Variants in SNX25 observed in about 807,000 individuals in gnomAD.
SNX25 encodes the protein sorting nexin-25.
In SNX25, 62 loss-of-function variants were observed where a neutral mutation model predicts 113.7. The ratio of observed to expected loss-of-function variants is 0.55; its 90% CI spans 0.44 to 0.67. The LOEUF (loss-of-function observed/expected upper bound fraction) is 0.67, where lower values mean the gene tolerates loss of function less well. Among genes scored for constraint, SNX25 ranks in the 30% least tolerant of loss-of-function variants. The pLI is 0.00. For missense variants in SNX25, 1,014 were observed against 1,161.0 expected (o/e 0.87, Z 1.84); for synonymous variants, 421 against 436.2 (o/e 0.97, Z 0.43).
rs151036415 is a variant in SNX25 at position 185,369,791 on chromosome 4, T to C, written c.*1046T>C. ...CGCTTCTGTCTCCTAGAGACCATGA[T>C]TGAAATTTTCTGAAATAAGGCCTGA... is the stretch of plus-strand genomic sequence containing the variant. On this transcript the variant is annotated 3_prime_UTR_variant and NMD_transcript_variant, in exon 12 of 12. Coordinates refer to the SNX25 transcript ENST00000504959. 2.2e-3 allele frequency: 992 copies of C among 441,376 alleles called. 10 individuals are homozygous for C. Among genetic ancestry groups the C allele is most frequent in the African/African-American group, 0.018 (890 of 49,522 alleles). 27.3% of individuals were successfully genotyped at this position (441,376 alleles called of 1,614,324 possible). A position where few individuals can be genotyped will look rare whatever the true frequency, so the allele number is the denominator to read the frequency against.
intron 9 of SNX25, among the ~76,000 whole-genome samples, chr4:185,331,612 C>T (rs1398550641): frequency 3.3e-5 from 5 of 152,094 alleles, no homozygotes; most frequent in African/African-American, 1.2e-4. Flanking sequence ...GAAACCCTGT[C>T]TCTACTAAAA....
downstream of SNX25, among the ~76,000 whole-genome samples, chr4:185,371,848 C>T (rs139605265): frequency 7.9e-4 from 121 of 152,258 alleles, no homozygotes; most frequent in African/African-American, 2.6e-3. Flanking sequence ...CCTTCATCCT[C>T]TCTTGTAGAT....
intron 1 of SNX25, among the ~76,000 whole-genome samples, chr4:185,239,976 G>T (rs1246999502): frequency 1.3e-5 from 2 of 150,218 alleles, no homozygotes; most frequent in Non-Finnish European, 3.0e-5. Context: ...CTCTTAACGA[G>T]CATGCTTCCT....
chr4:185,347,302 T>C (rs574077005), intron 13 of SNX25, among the ~76,000 whole-genome samples: 37 of 152,210 alleles, frequency 2.4e-4, no homozygotes, highest in Non-Finnish European at 5.0e-4. Flanking sequence ...TTTTTCTTCA[T>C]GGTCACAGCA....
chr4:185,367,080 T>C, downstream of SNX25: 2 of 998,192 alleles, frequency 2.0e-6, no homozygotes, highest in East Asian at 4.9e-5. Context: ...CCCAGGATAG[T>C]GTAATTTGTG....
chr4:185,331,131 T>C (rs2095191814), intron 9 of SNX25, among the ~76,000 whole-genome samples: 2 of 152,222 alleles, frequency 1.3e-5, no homozygotes, highest in African/African-American at 4.8e-5. Flanking sequence ...TCCTACTCTT[T>C]GTTCCAATAA....
intron 1 of SNX25, among the ~76,000 whole-genome samples, chr4:185,231,952 A>G (rs1741942534): frequency 6.6e-6 from 1 of 152,140 alleles, no homozygotes; most frequent in Non-Finnish European, 1.5e-5. Context: ...TTAATATGAC[A>G]CATTTATGCT....
In SNX25 at chr4:185,302,091, G is replaced by GTTTTTT. The variant is rs1233693832; in HGVS notation, c.1163-8541_1163-8536dup. Among the ~76,000 whole-genome samples, 5 of 108,370 alleles carry GTTTTTT rather than the reference G, an allele frequency of 4.6e-5. 1 individual carries two copies. Among genetic ancestry groups the GTTTTTT allele is most frequent in the South Asian group, 3.6e-4 (1 of 2,776 alleles). The allele number at this position is 108,370 out of a possible 152,430, so 71.1% of individuals were successfully genotyped here. A position where few individuals can be genotyped will look rare whatever the true frequency, so the allele number is the denominator to read the frequency against. On this transcript the variant is annotated intron_variant, in intron 6 of 18. Coordinates refer to ENST00000652585, the MANE Select transcript of SNX25 (RefSeq NM_001378034.2). ...ATTTTTGTATATTTTGTGTGTGTGTGTTTTTTTTGTTTTTTTTTTTTTTTA... is the reference window on the plus strand; with the variant it reads ...ATTTTTGTATATTTTGTGTGTGTGTGTTTTTTTTTTTTTTGTTTTTTTTTTTTTTTA...
At chr4:185,362,483 C>T in intron 17 of SNX25, 128 bp from the exon 18 acceptor site, 1 of 1,171,050 alleles carries the variant, frequency 8.5e-7, no homozygotes, top group Non-Finnish European at 1.2e-6. Context: ...GAGAACTGAC[C>T]ATTCATGTTT....
At chr4:185,344,575 CT>C (rs1295944323) in intron 12 of SNX25, among the ~76,000 whole-genome samples, 1 of 152,150 alleles carries the variant, frequency 6.6e-6, no homozygotes, top group Non-Finnish European at 1.5e-5. Context: ...GATGCCCAGG[CT>C]GTATTTCAGA....
At chr4:185,304,148 A>G (rs1239959796) in intron 6 of SNX25, among the ~76,000 whole-genome samples, 1 of 152,156 alleles carries the variant, frequency 6.6e-6, no homozygotes, top group Non-Finnish European at 1.5e-5. Context: ...ACTTCTGTTT[A>G]CTTATTTATA....
chr4:185,206,180 C>T (rs1737178612), upstream of SNX25, among the ~76,000 whole-genome samples: 1 of 152,186 alleles, frequency 6.6e-6, no homozygotes, highest in Non-Finnish European at 1.5e-5. Flanking sequence ...GAAGTGAAAG[C>T]AGGGTCTCAA....
intron 5 of SNX25, 81 bp from the exon 6 acceptor site, chr4:185,287,931 T>C (rs1349725054): frequency 3.5e-6 from 4 of 1,139,906 alleles, no homozygotes; most frequent in Non-Finnish European, 5.1e-6. Context: ...ATTTGTTTAG[T>C]ATAAATACAG....
At chr4:185,325,106 T>C (rs1164073412) in intron 9 of SNX25, among the ~76,000 whole-genome samples, 1 of 152,224 alleles carries the variant, frequency 6.6e-6, no homozygotes, top group Non-Finnish European at 1.5e-5. Context: ...TTTTTAGCCC[T>C]TTCTTTAAGT....
chr4:185,206,216 T>C (rs1453464624), upstream of SNX25, among the ~76,000 whole-genome samples: 2 of 152,198 alleles, frequency 1.3e-5, no homozygotes, highest in African/African-American at 4.8e-5. Context: ...CCCATGTTCA[T>C]AGCAGAATAG....
chr4:185,223,380 A>C (rs1479730917), intron 1 of SNX25, among the ~76,000 whole-genome samples: 1 of 152,164 alleles, frequency 6.6e-6, no homozygotes, highest in Non-Finnish European at 1.5e-5. Context: ...TGCTGATTGC[A>C]CATCAGTGGT....
chr4:185,339,090 C>T (rs1257455685), intron 10 of SNX25, among the ~76,000 whole-genome samples: 1 of 152,124 alleles, frequency 6.6e-6, no homozygotes, highest in Non-Finnish European at 1.5e-5. Flanking sequence ...TCTTCCAATC[C>T]ATGAATATGG....
intron 6 of SNX25, among the ~76,000 whole-genome samples, chr4:185,307,596 T>C (rs1754638867): frequency 6.6e-6 from 1 of 152,116 alleles, no homozygotes; most frequent in African/African-American, 2.4e-5. Flanking sequence ...ACTGAATCCA[T>C]ATAAAGGGAA....
intron 9 of SNX25, among the ~76,000 whole-genome samples, chr4:185,330,930 G>A: frequency 6.6e-6 from 1 of 152,210 alleles, no homozygotes; most frequent in East Asian, 1.9e-4. Flanking sequence ...CAGAAATTAA[G>A]ATAGTTAATT....
Sources: gnomAD v4.1 joint callset for allele counts (sites outside exome capture counted in the v4.1 genomes callset) on GRCh38, gnomAD v4.1.1 for gene constraint, MANE v1.5 for transcripts, NCBI Gene and HGNC (gene_info 2026-07-23, HGNC 2026-07-21) for gene names.